Variants in NBEA observed in about 807,000 individuals in gnomAD.
The protein encoded by NBEA is lysosomal-trafficking regulator 2.
Under a neutral mutation model 343.4 loss-of-function variants are expected in NBEA, and 44 were observed. The ratio of observed to expected loss-of-function variants is 0.13; its 90% CI spans 0.10 to 0.16. The LOEUF (loss-of-function observed/expected upper bound fraction) is 0.16. Among genes scored for constraint, NBEA ranks in the 10% least tolerant of loss-of-function variants. The pLI is 1.00. For missense variants in NBEA, 2,555 were observed against 3,631.3 expected (o/e 0.70, Z 7.62); for synonymous variants, 1,175 against 1,238.7 (o/e 0.95, Z 1.08).
At chr13:35,488,324 A>G (rs996193037) in intron 41 of NBEA, among the ~76,000 whole-genome samples, 10 of 151,930 alleles carry the variant, frequency 6.6e-5, no homozygotes, top group African/African-American at 2.4e-4. Flanking sequence ...TGAATTTACT[A>G]AATACTCCAC....
intron 27 of NBEA, among the ~76,000 whole-genome samples, 161 bp from the exon 28 acceptor site, chr13:35,176,835 G>C (rs1243116085): frequency 1.3e-5 from 2 of 151,942 alleles, no homozygotes; most frequent in Non-Finnish European, 2.9e-5. Flanking sequence ...CATGAGTAGA[G>C]AGCAGAAAAT....
intron 35 of NBEA, among the ~76,000 whole-genome samples, chr13:35,307,773 A>G (rs2036995321): frequency 6.6e-6 from 1 of 152,058 alleles, no homozygotes; most frequent in African/African-American, 2.4e-5. Flanking sequence ...TGAGAAATGT[A>G]TGTATTTTGT....
intron 28 of NBEA, among the ~76,000 whole-genome samples, chr13:35,180,605 C>T (rs750917586): frequency 2.0e-5 from 3 of 151,512 alleles, no homozygotes; most frequent in Admixed American, 6.6e-5. Context: ...AAATGAGGAG[C>T]GTGAAATATT....
At chr13:35,639,166 GA>G (rs1424255825) in intron 49 of NBEA, among the ~76,000 whole-genome samples, 1 of 152,068 alleles carries the variant, frequency 6.6e-6, no homozygotes, top group Non-Finnish European at 1.5e-5. Flanking sequence ...AAAACAAAAG[GA>G]AAAATATTTA....
intron 35 of NBEA, among the ~76,000 whole-genome samples, chr13:35,304,614 G>C (rs1158409132): frequency 6.6e-6 from 1 of 152,002 alleles, no homozygotes; most frequent in Non-Finnish European, 1.5e-5. Context: ...TCTGTGTTCA[G>C]AATCTCTCTC....
At chr13:35,597,334 G>A (rs1048126118) in intron 47 of NBEA, among the ~76,000 whole-genome samples, 1 of 152,010 alleles carries the variant, frequency 6.6e-6, no homozygotes, top group Non-Finnish European at 1.5e-5. Flanking sequence ...AATAATATTT[G>A]GTGTTTTCCT....
intron 41 of NBEA, among the ~76,000 whole-genome samples, chr13:35,503,784 T>C (rs9600874): frequency 0.14 from 21,275 of 152,108 alleles, 1,691 homozygotes; most frequent in South Asian, 0.21. Context: ...AATATAGGTA[T>C]TATTATTCTT....
chr13:35,553,341 C>A (rs1311389565), intron 43 of NBEA, among the ~76,000 whole-genome samples: 1 of 151,984 alleles, frequency 6.6e-6, no homozygotes, highest in African/African-American at 2.4e-5. Flanking sequence ...TTATTAGTTT[C>A]CTAATAATAT....
chr13:35,192,903 A>C (rs147499254), intron 30 of NBEA, among the ~76,000 whole-genome samples: 1 of 152,074 alleles, frequency 6.6e-6, no homozygotes, highest in Non-Finnish European at 1.5e-5. Flanking sequence ...AACATGTCAT[A>C]TATAACGATA....
At chr13:35,258,419 G>A (rs554036692) in intron 34 of NBEA, among the ~76,000 whole-genome samples, 230 of 151,680 alleles carry the variant, frequency 1.5e-3, no homozygotes, top group African/African-American at 5.3e-3. Flanking sequence ...CTGCCTCAGC[G>A]TCCCTAAGTG....
chr13:35,422,804 C>A (rs1161671402), intron 38 of NBEA, among the ~76,000 whole-genome samples: 1 of 152,216 alleles, frequency 6.6e-6, no homozygotes, highest in African/African-American at 2.4e-5. Context: ...TCCTCTCCAG[C>A]ATCTGTTGTT....
intron 34 of NBEA, among the ~76,000 whole-genome samples, chr13:35,271,797 G>A (rs2034178050): frequency 1.3e-5 from 2 of 152,130 alleles, no homozygotes; most frequent in Admixed American, 1.3e-4. Flanking sequence ...ATGAAGACAA[G>A]ATTAGAGAAA....
intron 13 of NBEA, among the ~76,000 whole-genome samples, chr13:35,115,916 G>A (rs1458572052): frequency 6.6e-6 from 1 of 152,144 alleles, no homozygotes; most frequent in Non-Finnish European, 1.5e-5. Context: ...GCACAGAGAT[G>A]TTATAAAACT....
chr13:34,998,472 G>A (rs1279314323), intron 1 of NBEA, among the ~76,000 whole-genome samples: 1 of 152,120 alleles, frequency 6.6e-6, no homozygotes, highest in Non-Finnish European at 1.5e-5. Context: ...TGCAGGAGAC[G>A]GGGGCTTATT....
At chr13:35,321,957 A>G (rs2038178916) in intron 36 of NBEA, among the ~76,000 whole-genome samples, 1 of 152,102 alleles carries the variant, frequency 6.6e-6, no homozygotes, top group South Asian at 2.1e-4. Flanking sequence ...CCACCAAGCT[A>G]GAGGGTCCCA....
At chr13:35,389,861 T>A (rs919500343) in intron 38 of NBEA, among the ~76,000 whole-genome samples, 1 of 151,992 alleles carries the variant, frequency 6.6e-6, no homozygotes, top group African/African-American at 2.4e-5. Context: ...CTAATTTTAT[T>A]ATTCTCTCTT....
At chr13:35,218,771 C>A (rs934822471) in intron 33 of NBEA, among the ~76,000 whole-genome samples, 12 of 151,782 alleles carry the variant, frequency 7.9e-5, no homozygotes, top group African/African-American at 2.9e-4. Context: ...TGGTTTTTCT[C>A]CTTCTGTTAA....
intron 35 of NBEA, among the ~76,000 whole-genome samples, chr13:35,308,197 A>C (rs1303984786): frequency 2.6e-5 from 4 of 151,590 alleles, no homozygotes; most frequent in Non-Finnish European, 5.9e-5. Context: ...TCAGGAGTAG[A>C]ATGAAGGGTT....
chr13:35,193,140 A>G (rs1593688832), intron 30 of NBEA, among the ~76,000 whole-genome samples: 1 of 151,964 alleles, frequency 6.6e-6, no homozygotes, highest in Non-Finnish European at 1.5e-5. Flanking sequence ...TAAACTATTT[A>G]ATTCTCTCCT....
Sources: gnomAD v4.1 joint callset for allele counts (sites outside exome capture counted in the v4.1 genomes callset) on GRCh38, gnomAD v4.1.1 for gene constraint, MANE v1.5 for transcripts, NCBI Gene and HGNC (gene_info 2026-07-23, HGNC 2026-07-21) for gene names.